Variants in HMGB1 observed in about 807,000 individuals in gnomAD.
HMGB1 encodes the protein high mobility group box 1.
For synonymous variants in HMGB1, 81 were observed against 84.0 expected (o/e 0.96, Z 0.19); for missense variants, 79 against 253.5 (o/e 0.31, Z 4.67).
At position 30,461,174 on chromosome 13, in the gene HMGB1, G is replaced by A; in HGVS notation, c.*183C>T. 7.5e-7 allele frequency: 1 copy of A among 1,325,384 alleles called. No homozygotes were observed. The allele number at this position is 1,325,384 out of a possible 1,614,324, so 82.1% of individuals were successfully genotyped here. ...TTAGTGGCTATTGAAAATACCACCA[G>A]GACAGGGCTATCTAAAGACACATTC... On this transcript the variant is annotated 3_prime_UTR_variant, in exon 5 of 5. Transcript: ENST00000341423.
chr13:30,462,347 A>AG (rs1886403509), intron 4 of HMGB1, 191 bp downstream of exon 4: 3 of 671,896 alleles, frequency 4.5e-6, no homozygotes, highest in Non-Finnish European at 8.2e-6. Flanking sequence ...CCTTTGTCTG[A>AG]GTCTGATTAC....
chr13:30,486,027 A>G (rs1887356019), intron 1 of HMGB1, among the ~76,000 whole-genome samples: 1 of 152,200 alleles, frequency 6.6e-6, no homozygotes, highest in Non-Finnish European at 1.5e-5. Context: ...AGATTATTTA[A>G]TATGAAAACA....
At chr13:30,526,679 T>C (rs1888375212) in intron 1 of HMGB1, among the ~76,000 whole-genome samples, 1 of 152,184 alleles carries the variant, frequency 6.6e-6, no homozygotes, top group Non-Finnish European at 1.5e-5. Flanking sequence ...AAGACCTTGA[T>C]ATGGGGAGAC....
At chr13:30,615,229 G>A (rs1379390088) in intron 1 of HMGB1, among the ~76,000 whole-genome samples, 2 of 152,102 alleles carry the variant, frequency 1.3e-5, no homozygotes, top group African/African-American at 4.8e-5. Context: ...TGAATTTACT[G>A]AAATAACTAA....
chr13:30,603,975 C>T (rs1487659869), intron 1 of HMGB1, among the ~76,000 whole-genome samples: 3 of 152,130 alleles, frequency 2.0e-5, no homozygotes, highest in Admixed American at 6.5e-5. Flanking sequence ...TACCAAGGAA[C>T]GACTGTATGC....
intron 1 of HMGB1, among the ~76,000 whole-genome samples, chr13:30,507,672 C>T (rs1189089785): frequency 6.6e-6 from 1 of 152,156 alleles, no homozygotes; most frequent in African/African-American, 2.4e-5. Flanking sequence ...TAGTTAACTT[C>T]TGAGATTTGG....
rs143148350 is a variant in HMGB1 at position 30,527,034 on chromosome 13, G to A, written c.-14-63340C>T. Reference sequence around the variant, plus strand: ...CAGGCTCCTTGGCCAGGAGGAGCCCGGAGGGGCCGAGCCCGCCTTTTAACA... The same window carrying A: ...CAGGCTCCTTGGCCAGGAGGAGCCCAGAGGGGCCGAGCCCGCCTTTTAACA... On this transcript the variant is annotated intron_variant, in intron 1 of 4. Coordinates refer to the HMGB1 transcript ENST00000405805. Among the ~76,000 whole-genome samples, 486 of 152,360 alleles carry A rather than the reference G, an allele frequency of 3.2e-3. 3 individuals carry two copies. Among genetic ancestry groups the A allele is most frequent in the Non-Finnish European group, 5.6e-3 (384 of 68,036 alleles).
At chr13:30,548,336 C>T (rs1412243551) in intron 1 of HMGB1, among the ~76,000 whole-genome samples, 1 of 152,176 alleles carries the variant, frequency 6.6e-6, no homozygotes, top group East Asian at 1.9e-4. Context: ...TCCCCTTCCA[C>T]CACGATTGTA....
At chr13:30,616,379 T>G (rs1183197236) in intron 1 of HMGB1, among the ~76,000 whole-genome samples, 2 of 152,256 alleles carry the variant, frequency 1.3e-5, no homozygotes, top group Admixed American at 6.5e-5. Flanking sequence ...GATGTTGTTT[T>G]GCAGTCTTAC....
intron 1 of HMGB1, among the ~76,000 whole-genome samples, chr13:30,616,444 A>G (rs1002965684): frequency 2.6e-5 from 4 of 152,252 alleles, no homozygotes; most frequent in Non-Finnish European, 5.9e-5. Context: ...ATGAGTTAAT[A>G]CTCAGCAAGT....
chr13:30,462,348 G>C (rs978597158), intron 4 of HMGB1, 190 bp downstream of exon 4: 8 of 674,120 alleles, frequency 1.2e-5, no homozygotes, highest in Admixed American at 2.1e-5. Context: ...CTTTGTCTGA[G>C]TCTGATTACA....
At chr13:30,549,177 G>A (rs1257754685) in intron 1 of HMGB1, among the ~76,000 whole-genome samples, 1 of 151,960 alleles carries the variant, frequency 6.6e-6, no homozygotes, top group South Asian at 2.1e-4. Context: ...TACACCTGTG[G>A]TCCCAGCTAC....
At chr13:30,562,933 A>T (rs1870023430) in intron 1 of HMGB1, among the ~76,000 whole-genome samples, 1 of 152,232 alleles carries the variant, frequency 6.6e-6, no homozygotes. Flanking sequence ...GATTAGCACT[A>T]AGAAGGAAGG....
intron 1 of HMGB1, among the ~76,000 whole-genome samples, chr13:30,476,118 CTTT>C (rs71093065): frequency 1.2e-4 from 13 of 109,498 alleles, no homozygotes; most frequent in African/African-American, 2.1e-4. Context: ...GTGGCATGTA[CTTT>C]TTTTTTTTTT....
intron 1 of HMGB1, among the ~76,000 whole-genome samples, chr13:30,494,230 G>A (rs1307531428): frequency 6.6e-6 from 1 of 152,202 alleles, no homozygotes; most frequent in South Asian, 2.1e-4. Context: ...AGATAGCTTG[G>A]CAATCACCTT....
chr13:30,580,705 C>G (rs1488657171), intron 1 of HMGB1, among the ~76,000 whole-genome samples: 1 of 152,182 alleles, frequency 6.6e-6, no homozygotes, highest in African/African-American at 2.4e-5. Flanking sequence ...TAGCACCATG[C>G]CTTGCACGTA....
exon 1 of HMGB1, chr13:30,617,451 G>C (rs1303333406): frequency 6.6e-6 from 1 of 152,020 alleles, no homozygotes; most frequent in Non-Finnish European, 1.5e-5. Flanking sequence ...GAGGGTCCAT[G>C]GCACCCCCGC....
At chr13:30,561,604 G>C (rs1027875566) in intron 1 of HMGB1, among the ~76,000 whole-genome samples, 2 of 152,142 alleles carry the variant, frequency 1.3e-5, no homozygotes. Context: ...GATGACACTG[G>C]GTTGAAGACT....
chr13:30,588,248 A>G (rs1871235041), intron 1 of HMGB1, among the ~76,000 whole-genome samples: 1 of 152,254 alleles, frequency 6.6e-6, no homozygotes, highest in Non-Finnish European at 1.5e-5. Flanking sequence ...ATAATTATAC[A>G]TACGCACTAA....
Sources: gnomAD v4.1 joint callset for allele counts (sites outside exome capture counted in the v4.1 genomes callset) on GRCh38, gnomAD v4.1.1 for gene constraint, MANE v1.5 for transcripts, NCBI Gene and HGNC (gene_info 2026-07-23, HGNC 2026-07-21) for gene names.